Variants in TRIM49B observed in about 807,000 individuals in gnomAD.
The protein encoded by TRIM49B is putative tripartite motif-containing protein 49B.
Under a neutral mutation model 31.8 loss-of-function variants are expected in TRIM49B, and 18 were observed. That is an observed-to-expected ratio of 0.57 (90% confidence interval 0.39 to 0.84). The LOEUF (loss-of-function observed/expected upper bound fraction) is 0.84, where lower values mean the gene tolerates loss of function less well. Among genes scored for constraint, TRIM49B ranks in the 40% least tolerant of loss-of-function variants. The pLI, the probability that TRIM49B is intolerant of heterozygous loss-of-function variation, is 0.00. For synonymous variants in TRIM49B, 196 were observed against 180.6 expected (o/e 1.09, Z -0.68); for missense variants, 494 against 538.7 (o/e 0.92, Z 0.82).
intron 1 of TRIM49B, among the ~76,000 whole-genome samples, chr11:49,030,099 C>G (rs955564108): frequency 2.0e-5 from 3 of 152,132 alleles, no homozygotes; most frequent in African/African-American, 7.2e-5. Context: ...TTTGGAAAGC[C>G]AAAGCGGGCA....
intron 4 of TRIM49B, 78 bp downstream of exon 4, chr11:49,034,454 C>T (rs1854494500): frequency 1.7e-5 from 27 of 1,610,784 alleles, no homozygotes; most frequent in Non-Finnish European, 2.0e-5. Context: ...AAATCCATCT[C>T]CCTAATTTTA....
chr11:49,037,729 A>G lies in TRIM49B; in HGVS notation c.1111A>G (p.Ile371Val), dbSNP rs1164607068. ...GAAAGAGAAGAATCAGAATGAGAAG[A>G]TAGATGGAGAGGATGGACTCTTTCT... ...YWKEKNQNEK[I>V]DGEDGLFLLG... The change falls in exon 7 of 7, where the codon ATA becomes GTA. Residue 371 changes from isoleucine (I) to valine (V), a missense_variant. By Grantham distance (29) the Ile-to-Val change is conservative. Coordinates refer to ENST00000332682, the MANE Select transcript of TRIM49B (RefSeq NM_001206626.2). 2 of 1,613,920 alleles carry G rather than the reference A, an allele frequency of 1.2e-6. No individual in the cohort carries two copies. Among genetic ancestry groups the G allele is most frequent in the East Asian group, 4.5e-5 (2 of 44,890 alleles).
intron 3 of TRIM49B, 33 bp downstream of exon 3, chr11:49,032,404 A>G: frequency 6.2e-7 from 1 of 1,611,962 alleles, no homozygotes; most frequent in South Asian, 1.1e-5. Context: ...TTCTCCAGGA[A>G]CTTATGGTGG....
intron 3 of TRIM49B, 21 bp from the exon 4 acceptor site, chr11:49,034,125 A>G (rs566177874): frequency 6.2e-7 from 1 of 1,611,628 alleles, no homozygotes; most frequent in South Asian, 1.1e-5. Flanking sequence ...TTCTCTTTTG[A>G]CTAACCCATT....
intron 1 of TRIM49B, 57 bp downstream of exon 1, chr11:49,029,032 A>C (rs967245281): frequency 1.3e-5 from 2 of 148,788 alleles, no homozygotes; most frequent in Non-Finnish European, 3.0e-5. Flanking sequence ...ATAATAAATT[A>C]GAGTGTTAAA....
intron 3 of TRIM49B, among the ~76,000 whole-genome samples, chr11:49,033,668 G>A (rs902064815): frequency 1.3e-5 from 2 of 152,146 alleles, no homozygotes; most frequent in Non-Finnish European, 2.9e-5. Context: ...GACAAAGATG[G>A]CCAAATCATA....
rs539784774 is a variant in TRIM49B at position 49,035,137 on chromosome 11, T to C, written c.761+20T>C. The stretch of plus-strand genomic sequence containing the variant: ...ACACAGGTGAGTGTGTACCTAGATT[T>C]TAGCATATGTTCTTTAAGATTCCAC... On this transcript the variant is annotated intron_variant, in intron 5 of 6. Coordinates refer to ENST00000332682, the MANE Select transcript of TRIM49B (RefSeq NM_001206626.2). 23 of 1,610,156 alleles carry C rather than the reference T, an allele frequency of 1.4e-5. No homozygotes were observed. Among genetic ancestry groups the C allele is most frequent in the Non-Finnish European group, 2.0e-5 (23 of 1,178,920 alleles).
In TRIM49B at chr11:49,035,741, G is replaced by A. The variant is rs1311414694; in HGVS notation, c.762-560G>A. Among the ~76,000 whole-genome samples the A allele has an allele frequency of 5.3e-5, 8 of 152,282 alleles. No homozygotes were observed. In the South Asian group the frequency reaches 1.7e-3, roughly 32 times the overall value. On this transcript the variant is annotated intron_variant, in intron 5 of 6. Coordinates refer to ENST00000332682, the MANE Select transcript of TRIM49B (RefSeq NM_001206626.2). The stretch of plus-strand genomic sequence containing the variant: ...GTGGATGGTGAGAAAGTCACCAGAG[G>A]AAGCAGGAGAGAAGAGGAGGAAGTA...
intron 1 of TRIM49B, among the ~76,000 whole-genome samples, chr11:49,029,969 A>G (rs1266748400): frequency 4.6e-5 from 7 of 152,188 alleles, no homozygotes; most frequent in Non-Finnish European, 8.8e-5. Flanking sequence ...AATAGGCTAT[A>G]GTGTATACCA....
At chr11:49,036,254 T>C (rs1199432183) in intron 5 of TRIM49B, 47 bp from the exon 6 acceptor site, 2 of 1,595,096 alleles carry the variant, frequency 1.3e-6, no homozygotes, top group Non-Finnish European at 1.7e-6. Context: ...GTGATTTTTA[T>C]TTATTTTATG....
At chr11:49,035,485 G>C (rs1357654992) in intron 5 of TRIM49B, among the ~76,000 whole-genome samples, 1 of 150,244 alleles carries the variant, frequency 6.7e-6, no homozygotes, top group East Asian at 2.0e-4. Flanking sequence ...TCAGCCTCCC[G>C]AGTACCGGGG....
chr11:49,034,058 G>A, intron 3 of TRIM49B, 88 bp from the exon 4 acceptor site: 1 of 1,604,284 alleles, frequency 6.2e-7, no homozygotes, highest in Non-Finnish European at 8.5e-7. Context: ...TTGAACTATT[G>A]GACATTCGAG....
At chr11:49,032,178 G>C (rs1245394481) in intron 2 of TRIM49B, 98 bp from the exon 3 acceptor site, 1 of 1,606,982 alleles carries the variant, frequency 6.2e-7, no homozygotes, top group Non-Finnish European at 8.5e-7. Context: ...GGGAAACAAA[G>C]GAAATGCCAT....
intron 1 of TRIM49B, among the ~76,000 whole-genome samples, chr11:49,030,916 C>A (rs1590633659): frequency 4.0e-5 from 6 of 151,874 alleles, no homozygotes; most frequent in African/African-American, 1.2e-4. Context: ...GACCCAATAT[C>A]TTTAATAATT....
chr11:49,036,452 G>A (rs1854532222), intron 6 of TRIM49B, 54 bp downstream of exon 6: 3 of 932,408 alleles, frequency 3.2e-6, no homozygotes, highest in Non-Finnish European at 4.8e-6. Context: ...ATTATTGTTA[G>A]GATCACATAG....
chr11:49,035,283 C>T (rs1041628253), intron 5 of TRIM49B, among the ~76,000 whole-genome samples, 166 bp downstream of exon 5: 7 of 140,004 alleles, frequency 5.0e-5, no homozygotes, highest in African/African-American at 1.9e-4. Flanking sequence ...GACAAGGCCA[C>T]GAAGTAAATA....
intron 6 of TRIM49B, 82 bp from the exon 7 acceptor site, chr11:49,037,396 T>C: frequency 5.4e-6 from 8 of 1,481,506 alleles, no homozygotes; most frequent in South Asian, 1.4e-5. Context: ...TGACTTTACA[T>C]TTGCTGGTAA....
chr11:49,034,962 GA>G, intron 4 of TRIM49B, 132 bp from the exon 5 acceptor site: 1 of 1,476,528 alleles, frequency 6.8e-7, no homozygotes, highest in East Asian at 2.4e-5. Flanking sequence ...AAATGAAATA[GA>G]AAATACTTTC....
chr11:49,030,503 T>C (rs550022558), intron 1 of TRIM49B, among the ~76,000 whole-genome samples: 1 of 152,142 alleles, frequency 6.6e-6, no homozygotes, highest in African/African-American at 2.4e-5. Context: ...TCTAAGCTGG[T>C]GTCCTGAGAA....
Sources: gnomAD v4.1 joint callset for allele counts (sites outside exome capture counted in the v4.1 genomes callset) on GRCh38, gnomAD v4.1.1 for gene constraint, MANE v1.5 for transcripts, NCBI Gene and HGNC (gene_info 2026-07-23, HGNC 2026-07-21) for gene names.